Variants in SLC12A1 observed in about 807,000 individuals in gnomAD.
The protein encoded by SLC12A1 is solute carrier family 12 member 1, also known as Na-K-2Cl cotransporter.
A neutral mutation model predicts 130.4 loss-of-function variants in SLC12A1; 89 were observed. That is an observed-to-expected ratio of 0.68 (90% CI 0.58 to 0.81). SLC12A1 has a LOEUF of 0.81. Among genes scored for constraint, SLC12A1 ranks in the 40% least tolerant of loss-of-function variants. The probability of loss-of-function intolerance (pLI) is 0.00; values close to 1 mark genes in which losing one functional copy is unlikely to be tolerated. For missense variants in SLC12A1, 1,310 were observed against 1,336.4 expected (o/e 0.98, Z 0.31); for synonymous variants, 499 against 460.0 (o/e 1.08, Z -1.09).
At chr15:48,291,281 A>G (rs2042117645) in intron 23 of SLC12A1, among the ~76,000 whole-genome samples, 1 of 150,080 alleles carries the variant, frequency 6.7e-6, no homozygotes, top group Non-Finnish European at 1.5e-5. Flanking sequence ...TTTATAATAT[A>G]TATGATGGTT....
chr15:48,280,455 G>A (rs981806885), intron 20 of SLC12A1, among the ~76,000 whole-genome samples: 7 of 152,104 alleles, frequency 4.6e-5, no homozygotes, highest in South Asian at 2.1e-4. Flanking sequence ...TTCTTCCACC[G>A]TCATAACTTC....
At chr15:48,251,861 G>A in intron 15 of SLC12A1, 91 bp downstream of exon 15, 1 of 1,101,696 alleles carries the variant, frequency 9.1e-7, no homozygotes, top group Non-Finnish European at 1.3e-6. Context: ...TATGGGCTTA[G>A]GTGAGGCATA....
At chr15:48,267,483 A>T (rs2041844437) in intron 17 of SLC12A1, 78 bp from the exon 18 acceptor site, 3 of 1,517,360 alleles carry the variant, frequency 2.0e-6, no homozygotes, top group Non-Finnish European at 2.7e-6. Flanking sequence ...ATTGCTGGCT[A>T]TTTTTGTCCT....
rs142474784 is a variant in SLC12A1, at chr15:48,255,065, A to G, written c.1943-746A>G. ...TCTTGACCCTCTTCATAGAATTCCC[A>G]TGCTATTCAGTTTTACTATTCAAAA... is the stretch of plus-strand genomic sequence containing the variant. On this transcript the variant is annotated intron_variant, in intron 15 of 26. Transcript: ENST00000380993. Among the ~76,000 whole-genome samples, 737 of 152,310 alleles carry G rather than the reference A, an allele frequency of 4.8e-3. 8 individuals carry two copies. The highest frequency in any genetic ancestry group is 0.044 in the Middle Eastern group (13 of 294).
intron 21 of SLC12A1, among the ~76,000 whole-genome samples, chr15:48,286,570 A>T (rs1463879502): frequency 6.6e-6 from 1 of 152,238 alleles, no homozygotes; most frequent in Non-Finnish European, 1.5e-5. Context: ...ATGTGCTCCA[A>T]CTAGAGAGAG....
At chr15:48,269,788 G>C (rs754804899) in intron 19 of SLC12A1, 24 bp downstream of exon 19, 1 of 1,329,080 alleles carries the variant, frequency 7.5e-7, no homozygotes, top group African/African-American at 1.4e-5. Flanking sequence ...TTCAAGACGT[G>C]TTCTTGTTTA....
At chr15:48,263,944 C>T (rs2041803460) in intron 17 of SLC12A1, among the ~76,000 whole-genome samples, 2 of 152,088 alleles carry the variant, frequency 1.3e-5, no homozygotes, top group Non-Finnish European at 2.9e-5. Context: ...TTGCCCTCCT[C>T]GACCTCCCAA....
chr15:48,263,683 T>TTTTATTTATTTATTTA (rs201165308), intron 17 of SLC12A1, among the ~76,000 whole-genome samples: 43 of 151,640 alleles, frequency 2.8e-4, no homozygotes, highest in African/African-American at 1.0e-3. Context: ...CTCACTTTAT[T>TTTTATTTATTTATTTA]TTTATTTATT....
intron 26 of SLC12A1, among the ~76,000 whole-genome samples, chr15:48,301,606 T>G (rs961807862): frequency 7.9e-5 from 12 of 151,742 alleles, no homozygotes; most frequent in Non-Finnish European, 1.6e-4. Context: ...TCACTTGGAC[T>G]TGCTGTCCAC....
intron 18 of SLC12A1, among the ~76,000 whole-genome samples, chr15:48,269,203 T>G (rs1050744049): frequency 6.6e-6 from 1 of 152,204 alleles, no homozygotes; most frequent in African/African-American, 2.4e-5. Flanking sequence ...TCAGTCACTC[T>G]TCAATAAATA....
Position 48,244,835 on chromosome 15 carries a change from T to C in SLC12A1, c.1383T>C (p.Cys461=), listed in dbSNP as rs1264411773. Residue 461 remains cysteine, a synonymous_variant, in exon 11 of 27, where the codon TGT becomes TGC. Coordinates refer to ENST00000380993, the MANE Select transcript of SLC12A1 (RefSeq NM_000338.3). ...TGAACTGCAATGGTTCAGCAGCATG[T>C]GGGTTGGGCTATGACTTCTCAAGAT... The part of the protein sequence containing the change: ...SGMNCNGSAA[C]GLGYDFSRCR... 1.9e-6 allele frequency: 3 copies of C among 1,613,744 alleles called. No individual in the cohort carries two copies. The highest frequency in any genetic ancestry group is 1.3e-5 in the African/African-American group (1 of 74,886).
intron 23 of SLC12A1, 93 bp from the exon 24 acceptor site, chr15:48,291,685 G>C: frequency 2.6e-6 from 2 of 772,448 alleles, no homozygotes; most frequent in Non-Finnish European, 4.4e-6. Flanking sequence ...AATAAGACGT[G>C]ATTGCTTTTG....
chr15:48,213,639 G>C (rs2041083181), intron 2 of SLC12A1, among the ~76,000 whole-genome samples: 1 of 151,936 alleles, frequency 6.6e-6, no homozygotes, highest in African/African-American at 2.4e-5. Flanking sequence ...GAGTAGCTGG[G>C]ACTACAGGCG....
intron 8 of SLC12A1, among the ~76,000 whole-genome samples, chr15:48,234,649 G>T (rs530449299): frequency 6.6e-6 from 1 of 152,138 alleles, no homozygotes; most frequent in East Asian, 1.9e-4. Context: ...GGGGGCCGAG[G>T]CAGGAGAATT....
Position 48,303,852 on chromosome 15 carries a change from A to C in SLC12A1, c.*967A>C, listed in dbSNP as rs1407823619. 1.3e-5 allele frequency: 2 copies of C among 152,242 alleles called. No homozygotes were observed. Among genetic ancestry groups the C allele is most frequent in the Non-Finnish European group, 2.9e-5 (2 of 68,036 alleles). 9.4% of individuals were successfully genotyped at this position (152,242 alleles called of 1,614,324 possible). The stretch of plus-strand genomic sequence containing the variant: ...GTGATTGTATGGATTTAAAAGAATA[A>C]TTAAAATGTGAAGTTGAAAAACTTG... On this transcript the variant is annotated 3_prime_UTR_variant, in exon 27 of 27. Transcript: ENST00000380993.
At chr15:48,234,812 G>A (rs1189544615) in intron 8 of SLC12A1, 65 bp from the exon 9 acceptor site, 2 of 1,513,812 alleles carry the variant, frequency 1.3e-6, no homozygotes, top group Non-Finnish European at 1.8e-6. Context: ...GAAGCCAATG[G>A]TAACTTAATC....
chr15:48,277,499 TG>T (rs1012631314), intron 20 of SLC12A1, among the ~76,000 whole-genome samples: 1 of 152,118 alleles, frequency 6.6e-6, no homozygotes, highest in Non-Finnish European at 1.5e-5. Context: ...AAGAGAGGAA[TG>T]GTTTAACTGA....
chr15:48,212,577 A>G (rs2041066379), intron 2 of SLC12A1, among the ~76,000 whole-genome samples: 1 of 152,204 alleles, frequency 6.6e-6, no homozygotes, highest in African/African-American at 2.4e-5. Flanking sequence ...AATTCCTGTG[A>G]CCAACTTTTC....
At chr15:48,274,907 A>G (rs1001861907) in intron 20 of SLC12A1, among the ~76,000 whole-genome samples, 9 of 152,246 alleles carry the variant, frequency 5.9e-5, no homozygotes, top group African/African-American at 2.2e-4. Flanking sequence ...TCACAAAACC[A>G]CAAAGCCAGC....
Sources: allele counts gnomAD v4.1 joint callset (sites outside exome capture counted in the v4.1 genomes callset), GRCh38; gene constraint gnomAD v4.1.1; transcripts MANE v1.5; gene names NCBI Gene and HGNC (gene_info 2026-07-23, HGNC 2026-07-21).